Variants in TMEM156 observed in about 807,000 individuals in gnomAD.
TMEM156 encodes transmembrane protein 156.
In TMEM156, 28 loss-of-function variants were observed where a neutral mutation model predicts 30.5. The ratio of observed to expected loss-of-function variants is 0.92; its 90% CI spans 0.68 to 1.26. The LOEUF (loss-of-function observed/expected upper bound fraction) is 1.26, where lower values mean the gene tolerates loss of function less well. Among genes scored for constraint, TMEM156 ranks in the 50% most tolerant of loss-of-function variants. TMEM156 has a pLI of 0.00. For missense variants in TMEM156, 351 were observed against 340.6 expected, an observed-to-expected ratio of 1.03 and a Z score of -0.24; for synonymous variants, 137 against 119.9, an observed-to-expected ratio of 1.14 and a Z score of -0.93.
At chr4:39,002,972 A>G (rs963784665) in intron 1 of TMEM156, among the ~76,000 whole-genome samples, 5 of 152,098 alleles carry the variant, frequency 3.3e-5, no homozygotes, top group Non-Finnish European at 7.4e-5. Context: ...AGCATGGCAC[A>G]TGTATACATA....
chr4:38,991,274 A>C (rs1712443902), intron 3 of TMEM156, among the ~76,000 whole-genome samples: 1 of 140,408 alleles, frequency 7.1e-6, no homozygotes, highest in Non-Finnish European at 1.5e-5. Context: ...CCCAGGCTGG[A>C]GTGCAGTGGC....
intron 2 of TMEM156, among the ~76,000 whole-genome samples, chr4:38,997,920 T>C (rs1444435358): frequency 6.6e-6 from 1 of 152,176 alleles, no homozygotes; most frequent in Non-Finnish European, 1.5e-5. Context: ...GTAAAAAGAC[T>C]TCACATACAA....
Position 38,986,345 on chromosome 4 carries a change from C to A in TMEM156, c.814G>T (p.Val272Phe). The A allele has an allele frequency of 1.2e-6, 2 of 1,613,436 alleles. No homozygotes were observed. The highest frequency in any genetic ancestry group is 1.7e-6 in the Non-Finnish European group (2 of 1,179,442). ...SEKLRALNVQ[V>F]LSAETTQRLP... ...ATGCCACAGAACTTACCTGAAAGAA[C>A]CTGCACATTCAATGCTCTCAGTTTC... is the stretch of plus-strand genomic sequence containing the variant. Residue 272 changes from valine (V) to phenylalanine (F), a missense_variant, in exon 5 of 7, where the codon GTT (valine) becomes TTT (phenylalanine). Coordinates refer to ENST00000381938, the MANE Select transcript of TMEM156 (RefSeq NM_024943.3).
intron 6 of TMEM156, among the ~76,000 whole-genome samples, chr4:38,969,162 TTCTA>T (rs1235748230): frequency 6.6e-6 from 1 of 152,268 alleles, no homozygotes. Context: ...AATGTATTCC[TTCTA>T]TCTGACTGTA....
At chr4:39,017,565 C>G (rs1312523987) in intron 1 of TMEM156, among the ~76,000 whole-genome samples, 1 of 152,028 alleles carries the variant, frequency 6.6e-6, no homozygotes, top group African/African-American at 2.4e-5. Flanking sequence ...ATAAAACTAG[C>G]TATTTGAATT....
At chr4:39,030,758 T>C (rs1470127984) in intron 1 of TMEM156, among the ~76,000 whole-genome samples, 2 of 151,846 alleles carry the variant, frequency 1.3e-5, no homozygotes, top group African/African-American at 4.8e-5. Flanking sequence ...TAGATAGATA[T>C]ATAGATAGAA....
intron 1 of TMEM156, among the ~76,000 whole-genome samples, chr4:39,031,983 T>A (rs144492238): frequency 5.1e-4 from 78 of 151,798 alleles, no homozygotes; most frequent in African/African-American, 1.9e-3. Flanking sequence ...ATGTCTGAAA[T>A]CTAGACTACA....
At position 39,030,542 on chromosome 4, in the gene TMEM156, G is replaced by A. The variant is rs572786503; in HGVS notation, c.88+1684C>T. The stretch of plus-strand genomic sequence containing the variant: ...GCTCACCACTGCCCCAGAAGGCCAT[G>A]CTTCTCACTTTGAGAAACAAAAACT... On this transcript the variant is annotated intron_variant, in intron 1 of 6. Transcript: ENST00000381938. Among the ~76,000 whole-genome samples the A allele has an allele frequency of 4.1e-4, 62 of 152,258 alleles. 1 individual carries two copies. Among genetic ancestry groups the A allele is most frequent in the African/African-American group, 1.4e-3 (58 of 41,550 alleles).
intron 1 of TMEM156, among the ~76,000 whole-genome samples, chr4:39,007,831 T>C (rs1184815961): frequency 6.6e-6 from 1 of 152,150 alleles, no homozygotes; most frequent in African/African-American, 2.4e-5. Context: ...TTCTCCATTA[T>C]GATCTTATAT....
At chr4:39,014,380 A>C (rs547585378) in intron 1 of TMEM156, among the ~76,000 whole-genome samples, 48 of 152,304 alleles carry the variant, frequency 3.2e-4, no homozygotes, top group Admixed American at 2.8e-3. Flanking sequence ...TGAGGGGTTT[A>C]ATGAACCAAT....
At position 38,990,450 on chromosome 4, in the gene TMEM156, C is replaced by T. The variant is rs908347553; in HGVS notation, c.620-1480G>A. ...CAGAGAACACTGGCAGTGCCAGCAA[C>T]GATCAGGATGGGTCCAAAGACCAAG... On this transcript the variant is annotated intron_variant, in intron 3 of 6. Transcript: ENST00000381938. Among the ~76,000 whole-genome samples the T allele has an allele frequency of 5.9e-5, 9 of 152,270 alleles. 1 individual carries two copies. Among genetic ancestry groups the T allele is most frequent in the East Asian group, 3.9e-4 (2 of 5,182 alleles).
intron 1 of TMEM156, among the ~76,000 whole-genome samples, chr4:39,006,115 C>G (rs1713719159): frequency 6.6e-6 from 1 of 152,158 alleles, no homozygotes; most frequent in Non-Finnish European, 1.5e-5. Context: ...AGGCTGGTCT[C>G]AAACTCCTGA....
chr4:38,990,830 G>GATTTTTTTTTTTTTTTT (rs1712372606), intron 3 of TMEM156, among the ~76,000 whole-genome samples: 1 of 81,216 alleles, frequency 1.2e-5, no homozygotes, highest in African/African-American at 4.6e-5. Flanking sequence ...TTGTTTTCTG[G>GATTTTTTTTTTTTTTTT]TTTTTTTTTT....
rs551972735 is a variant in TMEM156, at chr4:39,015,950, G to A, written c.88+16276C>T. On this transcript the variant is annotated intron_variant, in intron 1 of 6. Transcript: ENST00000381938. ...ATGATTATGAGGCCTCCCCAGCCACGTGGAACTGTGAGTCCATTAAACCTC... is the reference window on the plus strand; with the variant it reads ...ATGATTATGAGGCCTCCCCAGCCACATGGAACTGTGAGTCCATTAAACCTC... Among the ~76,000 whole-genome samples the A allele has an allele frequency of 8.5e-5, 13 of 152,270 alleles. No homozygotes were observed. The East Asian group carries it at 1.7e-3, about 20-fold the overall frequency.
Position 38,990,840 on chromosome 4 carries a change from T to TTTGTTTTGTTTTGTTTTG in TMEM156, c.620-1871_620-1870insCAAAACAAAACAAAACAA, listed in dbSNP as rs1553878618. ...TTGGTTTGTTTTCTGGTTTTTTTTT[T>TTTGTTTTGTTTTGTTTTG]TTTTTTTTTTTTTGAGAGGGAGTCT... is the stretch of plus-strand genomic sequence containing the variant. On this transcript the variant is annotated intron_variant, in intron 3 of 6. Coordinates refer to ENST00000381938, the MANE Select transcript of TMEM156 (RefSeq NM_024943.3). Among the ~76,000 whole-genome samples the TTTGTTTTGTTTTGTTTTG allele has an allele frequency of 1.7e-4, 22 of 131,796 alleles. 1 individual carries two copies. The highest frequency in any genetic ancestry group is 2.8e-4 in the Non-Finnish European group (17 of 60,776). 86.5% of individuals were successfully genotyped at this position (131,796 alleles called of 152,430 possible).
At chr4:38,997,739 GGCACTGCAGATAATAA>G in intron 2 of TMEM156, among the ~76,000 whole-genome samples, 1 of 152,294 alleles carries the variant, frequency 6.6e-6, no homozygotes, top group Non-Finnish European at 1.5e-5. Context: ...GGTTCAGTTA[GGCACTGCAGATAATAA>G]GCAGTTATTC....
At position 38,971,056 on chromosome 4, in the gene TMEM156, A is replaced by G. The variant is rs559754153; in HGVS notation, c.*14T>C. The G allele has an allele frequency of 3.0e-5, 48 of 1,612,512 alleles. No individual in the cohort carries two copies. In the South Asian group the frequency reaches 4.9e-4, roughly 17 times the overall value. Reference sequence around the variant, plus strand: ...CCGTGTATATTGATCTCACTGATGCACTGTGGAAGTAACTTATAGTTCTGG... The same window carrying G: ...CCGTGTATATTGATCTCACTGATGCGCTGTGGAAGTAACTTATAGTTCTGG... On this transcript the variant is annotated 3_prime_UTR_variant, in exon 6 of 7. Coordinates refer to ENST00000381938, the MANE Select transcript of TMEM156 (RefSeq NM_024943.3).
intron 4 of TMEM156, 79 bp from the exon 5 acceptor site, chr4:38,986,498 G>C (rs1035673998): frequency 1.2e-5 from 13 of 1,101,012 alleles, no homozygotes; most frequent in African/African-American, 1.1e-4. Flanking sequence ...TTGGTTCAAA[G>C]GATTACCAAA....
At chr4:39,008,625 T>C (rs2712004) in intron 1 of TMEM156, among the ~76,000 whole-genome samples, 18,746 of 152,014 alleles carry the variant, frequency 0.12, 2,297 homozygotes, top group African/African-American at 0.32. Flanking sequence ...AAAAAATAAG[T>C]TGAATACCAA....
Sources: gnomAD v4.1 joint callset for allele counts (sites outside exome capture counted in the v4.1 genomes callset) on GRCh38, gnomAD v4.1.1 for gene constraint, MANE v1.5 for transcripts, NCBI Gene and HGNC (gene_info 2026-07-23, HGNC 2026-07-21) for gene names.